Variants in KNTC1 observed in about 807,000 individuals in gnomAD.
KNTC1 encodes the protein kinetochore-associated protein 1.
A neutral mutation model predicts 314.4 loss-of-function variants in KNTC1; 253 were observed. The observed-to-expected ratio is 0.80, with a 90% CI of 0.73 to 0.89. The LOEUF (loss-of-function observed/expected upper bound fraction) is 0.89. Ranked by LOEUF, KNTC1 falls within the 40% of genes least tolerant of loss-of-function variation. The pLI is 0.00. For synonymous variants in KNTC1, 901 were observed against 901.4 expected, an observed-to-expected ratio of 1.00 and a Z score of 0.01; for missense variants, 2,475 against 2,572.9, an observed-to-expected ratio of 0.96 and a Z score of 0.82.
At chr12:122,531,707 A>C (rs1453422028) in intron 2 of KNTC1, among the ~76,000 whole-genome samples, 1 of 151,982 alleles carries the variant, frequency 6.6e-6, no homozygotes, top group Non-Finnish European at 1.5e-5. Flanking sequence ...AGTTTCTATA[A>C]TGAGGAAATG....
rs1244335995 is a variant in KNTC1 at position 122,622,457 on chromosome 12, T to G, written c.6370-5T>G. On this transcript the variant is annotated splice_region_variant and splice_polypyrimidine_tract_variant and intron_variant, in intron 61 of 63. Transcript: ENST00000333479. ...CTGATCTTAATGATACCTGTCATTC[T>G]ATAGATTAGAAGTCTGATTTTGAAT... 1 of 1,563,838 alleles carries G rather than the reference T, an allele frequency of 6.4e-7. No homozygotes were observed. Among genetic ancestry groups the G allele is most frequent in the Non-Finnish European group, 8.7e-7 (1 of 1,147,460 alleles).
Position 122,585,654 on chromosome 12 carries a change from A to T in KNTC1, c.3553A>T (p.Lys1185Ter). ...CACCTAGGCTTCTTTTGGGACACAT[A>T]AAGATCCATATGAAGAGTGGTCTTA... The part of the protein sequence containing the change: ...ILMKASFGTH[K>*]DPYEEWSYSD... Residue 1185 changes from lysine (K) to a stop codon, truncating the protein, a stop_gained, in exon 37 of 64, where the codon AAA becomes TAA. Coordinates refer to ENST00000333479, the MANE Select transcript of KNTC1 (RefSeq NM_014708.6). LOFTEE classifies it high-confidence loss of function. 1 of 1,613,926 alleles carries T rather than the reference A, an allele frequency of 6.2e-7. No individual in the cohort carries two copies. The highest frequency in any genetic ancestry group is 8.5e-7 in the Non-Finnish European group (1 of 1,179,846).
chr12:122,574,133 T>C, intron 26 of KNTC1, 149 bp from the exon 27 acceptor site: 1 of 542,898 alleles, frequency 1.8e-6, no homozygotes, highest in Non-Finnish European at 3.2e-6. Flanking sequence ...AGACCATTGT[T>C]CAACATTTAT....
At position 122,613,611 on chromosome 12, in the gene KNTC1, G is replaced by A. The variant is rs754967391; in HGVS notation, c.5742-15G>A. ...GCCTATGAGAATGATTCTTAGAAACGTTTCTGTTTTCCAGATCTTATTTGA... is the reference window on the plus strand; with the variant it reads ...GCCTATGAGAATGATTCTTAGAAACATTTCTGTTTTCCAGATCTTATTTGA... On this transcript the variant is annotated splice_polypyrimidine_tract_variant and intron_variant, in intron 54 of 63. Coordinates refer to ENST00000333479, the MANE Select transcript of KNTC1 (RefSeq NM_014708.6). 34 of 1,582,334 alleles carry A rather than the reference G, an allele frequency of 2.1e-5. No individual in the cohort carries two copies. The East Asian group carries it at 3.2e-4, about 15-fold the overall frequency.
At chr12:122,609,575 A>G in intron 52 of KNTC1, 145 bp downstream of exon 52, 1 of 581,654 alleles carries the variant, frequency 1.7e-6, no homozygotes, top group South Asian at 2.4e-5. Flanking sequence ...GTTCACTAAT[A>G]CGTGGCTAGG....
chr12:122,534,839 T>C (rs1279464048), intron 3 of KNTC1, 55 bp downstream of exon 3: 2 of 1,529,614 alleles, frequency 1.3e-6, no homozygotes, highest in Non-Finnish European at 1.8e-6. Context: ...ATACATCTGC[T>C]GCCAATTTCT....
rs1874304031 is a variant in KNTC1, at chr12:122,620,474, CGAA to C, written c.6150-2_6150del. On this transcript the variant is annotated splice_acceptor_variant and splice_polypyrimidine_tract_variant and intron_variant, in intron 59 of 63. Transcript: ENST00000333479. LOFTEE classifies it high-confidence loss of function. ...TTATTAACTAATTAATGTTCTCTCT[CGAA>C]GATGTCCAGTCTCAGGTGATCTTGA... 3 of 1,610,880 alleles carry C rather than the reference CGAA, an allele frequency of 1.9e-6. No individual in the cohort carries two copies. Among genetic ancestry groups the C allele is most frequent in the Non-Finnish European group, 2.5e-6 (3 of 1,178,152 alleles).
chr12:122,591,274 A>G (rs1870153158), intron 41 of KNTC1, 63 bp from the exon 42 acceptor site: 2 of 838,806 alleles, frequency 2.4e-6, no homozygotes, highest in South Asian at 1.4e-5. Flanking sequence ...CGTTTCGTCT[A>G]AAAGGTGTTA....
chr12:122,587,805 G>T lies in KNTC1; in HGVS notation c.3825G>T (p.Val1275=). Residue 1275 remains valine, a synonymous_variant, in exon 39 of 64, where the codon GTG becomes GTT. Transcript: ENST00000333479. ...AGTGGGAGCTAGCCCTAAGATTTGT[G>T]GTTGGTTCATTTGGTACCTGTCTTC... The part of the protein sequence containing the change: ...SSQWELALRF[V]VGSFGTCLQH... 1.2e-6 allele frequency: 2 copies of T among 1,613,846 alleles called. No individual in the cohort carries two copies. Among genetic ancestry groups the T allele is most frequent in the Non-Finnish European group, 1.7e-6 (2 of 1,179,816 alleles).
intron 44 of KNTC1, among the ~76,000 whole-genome samples, chr12:122,599,815 T>C (rs1456519459): frequency 2.0e-5 from 3 of 152,172 alleles, no homozygotes; most frequent in Non-Finnish European, 4.4e-5. Flanking sequence ...ATTTAAAAAA[T>C]AGGCCAGCCT....
At chr12:122,544,136 C>T (rs776162125) in intron 7 of KNTC1, 23 bp from the exon 8 acceptor site, 15 of 960,820 alleles carry the variant, frequency 1.6e-5, no homozygotes, top group Non-Finnish European at 2.1e-5. Context: ...ATATATATGA[C>T]GTTGTTGTTT....
At chr12:122,614,325 T>A (rs1873522618) in intron 55 of KNTC1, among the ~76,000 whole-genome samples, 1 of 152,200 alleles carries the variant, frequency 6.6e-6, no homozygotes, top group Admixed American at 6.5e-5. Context: ...TGTCCTTATC[T>A]GGACAGGGAG....
chr12:122,542,436 A>G (rs1962415100), intron 6 of KNTC1, among the ~76,000 whole-genome samples: 1 of 152,180 alleles, frequency 6.6e-6, no homozygotes, highest in African/African-American at 2.4e-5. Context: ...AATGTGGTGG[A>G]TGAACCTGGA....
intron 24 of KNTC1, among the ~76,000 whole-genome samples, chr12:122,571,466 C>G (rs979509617): frequency 2.0e-5 from 3 of 151,812 alleles, no homozygotes; most frequent in Non-Finnish European, 4.4e-5. Flanking sequence ...TCAAGTGATC[C>G]TCCCACCTCA....
Position 122,575,876 on chromosome 12 carries a change from A to T in KNTC1, c.2563A>T (p.Asn855Tyr), listed in dbSNP as rs1177942781. ...LLRGYGIREV[N>Y]LLNKEIMRVV... ...ACGAGGCTATGGAATAAGAGAGGTAAATCTCTTAAACAAGGAAATAATGGT... is the reference window on the plus strand; with the variant it reads ...ACGAGGCTATGGAATAAGAGAGGTATATCTCTTAAACAAGGAAATAATGGT... The change falls in exon 29 of 64, where the codon AAT (asparagine) becomes TAT (tyrosine). Residue 855 changes from asparagine to tyrosine, a missense_variant. Transcript: ENST00000333479. 6.2e-7 allele frequency: 1 copy of T among 1,612,454 alleles called. No individual in the cohort carries two copies. Among genetic ancestry groups the T allele is most frequent in the East Asian group, 2.2e-5 (1 of 44,848 alleles).
intron 3 of KNTC1, among the ~76,000 whole-genome samples, chr12:122,536,891 C>T (rs1439348413): frequency 6.6e-6 from 1 of 152,180 alleles, no homozygotes; most frequent in East Asian, 1.9e-4. Context: ...GAAAAGGAAA[C>T]AGAACACATG....
chr12:122,530,422 A>G (rs1256477966), intron 2 of KNTC1, among the ~76,000 whole-genome samples: 1 of 152,142 alleles, frequency 6.6e-6, no homozygotes, highest in Non-Finnish European at 1.5e-5. Flanking sequence ...CATGCATACA[A>G]AAATATGTGT....
At chr12:122,594,621 G>C (rs1428417724) in intron 43 of KNTC1, among the ~76,000 whole-genome samples, 1 of 152,182 alleles carries the variant, frequency 6.6e-6, no homozygotes, top group African/African-American at 2.4e-5. Flanking sequence ...TAGGGCACTT[G>C]ATTTCAAATG....
intron 63 of KNTC1, 25 bp downstream of exon 63, chr12:122,624,713 G>A (rs769840827): frequency 6.6e-7 from 1 of 1,526,660 alleles, no homozygotes; most frequent in Admixed American, 1.7e-5. Context: ...AAGTTCTTAG[G>A]TTCTAACTTG....
Sources: gnomAD v4.1 joint callset for allele counts (sites outside exome capture counted in the v4.1 genomes callset) on GRCh38, gnomAD v4.1.1 for gene constraint, MANE v1.5 for transcripts, NCBI Gene and HGNC (gene_info 2026-07-23, HGNC 2026-07-21) for gene names.